The following TRIQK variants were observed in gnomAD, a reference collection of about 807,000 sequenced individuals.
TRIQK encodes triple QxxK/R motif containing.
TRIQK carries 10 observed loss-of-function variants against 10.8 expected under a neutral mutation model. That is an observed-to-expected ratio of 0.92 (90% CI 0.57 to 1.57). The LOEUF is 1.57. TRIQK is among the 40% of genes most tolerant of loss of function. TRIQK has a pLI of 0.00. For missense variants in TRIQK, 107 were observed against 97.7 expected (o/e 1.09, Z -0.40); for synonymous variants, 33 against 33.7 (o/e 0.98, Z 0.07).
upstream of TRIQK, among the ~76,000 whole-genome samples, chr8:92,967,987 A>G (rs1020945519): frequency 5.3e-5 from 8 of 152,064 alleles, no homozygotes; most frequent in African/African-American, 1.4e-4. Flanking sequence ...TGTACAGCAA[A>G]TGCATTGAAT....
intron 3 of TRIQK, among the ~76,000 whole-genome samples, chr8:92,913,889 T>A (rs1236798330): frequency 6.6e-6 from 1 of 152,168 alleles, no homozygotes; most frequent in Non-Finnish European, 1.5e-5. Context: ...AAACACCGCA[T>A]GTTCTCATGC....
rs191659544 is a variant in TRIQK, at chr8:93,005,890, C to T, written c.-181+11719G>A. ...TTGTCCCTGTTTGCAGATGACATGA[C>T]CTTGTAGGTAAAACACCCTAAAGAC... is the stretch of plus-strand genomic sequence containing the variant. On this transcript the variant is annotated intron_variant, in intron 1 of 4. Coordinates refer to the TRIQK transcript ENST00000520686. Among the ~76,000 whole-genome samples the T allele has an allele frequency of 5.8e-3, 877 of 152,098 alleles. 5 individuals carry two copies. Among genetic ancestry groups the T allele is most frequent in the Admixed American group, 7.3e-3 (112 of 15,264 alleles).
chr8:93,008,476 G>A (rs1586530594), intron 1 of TRIQK, among the ~76,000 whole-genome samples: 1 of 151,978 alleles, frequency 6.6e-6, no homozygotes, highest in African/African-American at 2.4e-5. Flanking sequence ...TCAATATCCT[G>A]TGATATTCTT....
At chr8:92,987,645 T>C (rs1813050077) in intron 1 of TRIQK, among the ~76,000 whole-genome samples, 1 of 152,200 alleles carries the variant, frequency 6.6e-6, no homozygotes, top group African/African-American at 2.4e-5. Context: ...TGGGTGAATA[T>C]ATGATTCATC....
At chr8:92,970,143 A>C (rs1057320729), upstream of TRIQK, among the ~76,000 whole-genome samples, 1 of 152,188 alleles carries the variant, frequency 6.6e-6, no homozygotes, top group African/African-American at 2.4e-5. Flanking sequence ...TTATGGCTGC[A>C]TAGTATTCCA....
intron 4 of TRIQK, among the ~76,000 whole-genome samples, chr8:92,888,978 G>A (rs1451930873): frequency 6.6e-6 from 1 of 151,540 alleles, no homozygotes; most frequent in African/African-American, 2.4e-5. Flanking sequence ...TAATTGAGCA[G>A]CAACTAAATA....
At chr8:93,001,698 C>A (rs957657808) in intron 1 of TRIQK, among the ~76,000 whole-genome samples, 1 of 152,122 alleles carries the variant, frequency 6.6e-6, no homozygotes, top group Non-Finnish European at 1.5e-5. Context: ...TAGGGGACTT[C>A]AATATACCAC....
At position 92,932,397 on chromosome 8, in the gene TRIQK, C is replaced by T. The variant is rs1487887575; in HGVS notation, c.-21-15387G>A. 4.6e-5 allele frequency among the ~76,000 whole-genome samples: 7 copies of T among 152,032 alleles called. No individual in the cohort carries two copies. In the East Asian group the frequency reaches 1.3e-3, roughly 29 times the overall value. ...TTTCTACCTTTTTTGTTTGTTTTAACTAAACTGACCAATACAGTGTTCTCA... is the reference window on the plus strand; with the variant it reads ...TTTCTACCTTTTTTGTTTGTTTTAATTAAACTGACCAATACAGTGTTCTCA... On this transcript the variant is annotated intron_variant, in intron 2 of 4. Transcript: ENST00000521988.
At chr8:92,949,945 G>A (rs1322839091) in intron 2 of TRIQK, among the ~76,000 whole-genome samples, 2 of 152,012 alleles carry the variant, frequency 1.3e-5, no homozygotes, top group African/African-American at 4.8e-5. Context: ...TCGTTTTTGA[G>A]CTCCATTTAT....
intron 1 of TRIQK, among the ~76,000 whole-genome samples, chr8:92,988,620 C>T (rs1329277965): frequency 6.6e-6 from 1 of 152,170 alleles, no homozygotes; most frequent in African/African-American, 2.4e-5. Flanking sequence ...CTACTTAACC[C>T]TCAACATGTA....
intron 1 of TRIQK, among the ~76,000 whole-genome samples, chr8:92,957,460 A>T (rs1812231865): frequency 6.6e-6 from 1 of 152,004 alleles, no homozygotes; most frequent in South Asian, 2.1e-4. Context: ...CATCTGAGTA[A>T]CTATTTTCAT....
At position 92,914,380 on chromosome 8, in the gene TRIQK, A is replaced by G. The variant is rs531471213; in HGVS notation, c.61+2549T>C. 1.7e-3 allele frequency among the ~76,000 whole-genome samples: 262 copies of G among 152,302 alleles called. 2 individuals are homozygous for G. Among genetic ancestry groups the G allele is most frequent in the African/African-American group, 5.9e-3 (246 of 41,570 alleles). ...ATGCAACTGAAGCAAAAACAAACAA[A>G]GGAGACTAAATTAAACTAAAAATCT... On this transcript the variant is annotated intron_variant, in intron 3 of 4. Coordinates refer to ENST00000521988, the MANE Select transcript of TRIQK (RefSeq NM_001171797.2).
intron 3 of TRIQK, among the ~76,000 whole-genome samples, chr8:92,915,762 G>A (rs1809803423): frequency 2.7e-5 from 3 of 112,570 alleles, no homozygotes; most frequent in Non-Finnish European, 5.6e-5. Flanking sequence ...GCCTCCCAAA[G>A]TGCTGGGATT....
intron 2 of TRIQK, among the ~76,000 whole-genome samples, chr8:92,930,036 C>T (rs1419882864): frequency 6.6e-6 from 1 of 151,332 alleles, no homozygotes; most frequent in Non-Finnish European, 1.5e-5. Flanking sequence ...TACCCTAGAA[C>T]TTACAGTATA....
intron 3 of TRIQK, among the ~76,000 whole-genome samples, chr8:92,896,880 G>A (rs1262861377): frequency 2.0e-5 from 3 of 150,670 alleles, no homozygotes; most frequent in Admixed American, 6.6e-5. Context: ...GCAATGGCAT[G>A]ATCCTGGCTC....
intron 1 of TRIQK, among the ~76,000 whole-genome samples, chr8:92,991,937 C>T (rs971564193): frequency 1.3e-5 from 2 of 152,112 alleles, no homozygotes; most frequent in African/African-American, 4.8e-5. Context: ...CCTAGGAATG[C>T]AACTTACAAG....
chr8:92,899,586 TC>T (rs1808809245), intron 3 of TRIQK, among the ~76,000 whole-genome samples: 1 of 152,210 alleles, frequency 6.6e-6, no homozygotes, highest in African/African-American at 2.4e-5. Flanking sequence ...AGGATCTCAT[TC>T]TTTTTTCATG....
chr8:92,926,464 G>A (rs891830474), intron 2 of TRIQK: 53 of 152,294 alleles, frequency 3.5e-4, no homozygotes, highest in African/African-American at 1.3e-3. Context: ...AGGAACTGAG[G>A]TTGAGGAAGA....
intron 2 of TRIQK, among the ~76,000 whole-genome samples, chr8:92,927,379 G>A (rs1460768489): frequency 1.3e-5 from 2 of 151,750 alleles, no homozygotes; most frequent in Non-Finnish European, 2.9e-5. Context: ...AGCAGAAAGT[G>A]GAACAATCTT....
Sources: gnomAD v4.1 joint callset for allele counts (sites outside exome capture counted in the v4.1 genomes callset) on GRCh38, gnomAD v4.1.1 for gene constraint, MANE v1.5 for transcripts, NCBI Gene and HGNC (gene_info 2026-07-23, HGNC 2026-07-21) for gene names.